PPP1R9A: variants seen among roughly 807,000 people sequenced by gnomAD.
PPP1R9A encodes neurabin-1.
Under a neutral mutation model 141.9 loss-of-function variants are expected in PPP1R9A, and 59 were observed. The ratio of observed to expected loss-of-function variants is 0.42; its 90% CI spans 0.34 to 0.52. PPP1R9A has a LOEUF of 0.52. Among genes scored for constraint, PPP1R9A ranks in the 20% least tolerant of loss-of-function variants. PPP1R9A has a pLI of 0.10. For missense variants in PPP1R9A, 1,444 were observed against 1,611.9 expected (o/e 0.90, Z 1.78); for synonymous variants, 500 against 569.7 (o/e 0.88, Z 1.74).
In PPP1R9A at chr7:95,161,880, G is replaced by GA. The variant is rs1563336068; in HGVS notation, c.1664dup (p.Asp555GlufsTer71). 1 of 1,607,834 alleles carries GA rather than the reference G, an allele frequency of 6.2e-7. No individual in the cohort carries two copies. The highest frequency in any genetic ancestry group is 8.5e-7 in the Non-Finnish European group (1 of 1,176,620). ...CTCTTTCTAAAGAATACAAGTCAAT[G>GA]ACCAGATTGTGGAAGTGGATGGAAT... On this transcript the variant is annotated frameshift_variant, in exon 5 of 20. Transcript: ENST00000433360. LOFTEE classifies it high-confidence loss of function.
chr7:95,222,251 A>C (rs949262224), intron 7 of PPP1R9A, among the ~76,000 whole-genome samples: 1 of 151,942 alleles, frequency 6.6e-6, no homozygotes, highest in African/African-American at 2.4e-5. Context: ...ATATATTCCC[A>C]ATTTTTTTTT....
chr7:95,189,598 G>A (rs376115218), intron 5 of PPP1R9A, among the ~76,000 whole-genome samples: 1 of 150,962 alleles, frequency 6.6e-6, no homozygotes, highest in Non-Finnish European at 1.5e-5. Flanking sequence ...CACTACGCCC[G>A]GCTAATTTTT....
chr7:95,123,395 T>C (rs1443912489), intron 4 of PPP1R9A, among the ~76,000 whole-genome samples: 1 of 152,230 alleles, frequency 6.6e-6, no homozygotes, highest in Non-Finnish European at 1.5e-5. Flanking sequence ...ATGCCTGTAA[T>C]CCCAGCACTT....
intron 2 of PPP1R9A, among the ~76,000 whole-genome samples, chr7:95,000,563 G>A (rs1802783611): frequency 6.6e-6 from 1 of 151,588 alleles, no homozygotes; most frequent in Admixed American, 6.6e-5. Flanking sequence ...CTTTTTCCAG[G>A]TGAAAATTTC....
At chr7:95,008,287 G>T (rs780290100) in intron 2 of PPP1R9A, among the ~76,000 whole-genome samples, 2 of 151,958 alleles carry the variant, frequency 1.3e-5, no homozygotes, top group South Asian at 4.2e-4. Context: ...TCATAAAAGG[G>T]GTTTTTAGGG....
intron 2 of PPP1R9A, among the ~76,000 whole-genome samples, chr7:95,043,408 T>C (rs2151926721): frequency 6.6e-6 from 1 of 152,270 alleles, no homozygotes; most frequent in South Asian, 2.1e-4. Context: ...AATAAAAACT[T>C]GTACATGATG....
intron 2 of PPP1R9A, among the ~76,000 whole-genome samples, chr7:95,039,725 G>A (rs1015877816): frequency 2.0e-5 from 3 of 149,562 alleles, no homozygotes; most frequent in Admixed American, 6.8e-5. Flanking sequence ...AGGGAAAAAA[G>A]GAATGAAGGA....
chr7:94,930,770 T>C (rs1254504860), intron 2 of PPP1R9A, among the ~76,000 whole-genome samples: 2 of 152,308 alleles, frequency 1.3e-5, no homozygotes, highest in African/African-American at 4.8e-5. Context: ...GTTACAGAGA[T>C]ACAAAGATAG....
intron 4 of PPP1R9A, among the ~76,000 whole-genome samples, chr7:95,127,886 A>G (rs1823861753): frequency 6.6e-6 from 1 of 152,152 alleles, no homozygotes; most frequent in Non-Finnish European, 1.5e-5. Context: ...TCTATGGTGC[A>G]TATGTGCCAC....
At chr7:95,100,065 ATGTG>A (rs1232792602) in intron 2 of PPP1R9A, among the ~76,000 whole-genome samples, 2 of 152,010 alleles carry the variant, frequency 1.3e-5, no homozygotes, top group Non-Finnish European at 2.9e-5. Context: ...GTGTGTATGC[ATGTG>A]TGTGTATGTG....
intron 2 of PPP1R9A, among the ~76,000 whole-genome samples, chr7:94,962,178 T>G (rs1339195886): frequency 6.6e-6 from 1 of 152,012 alleles, no homozygotes; most frequent in Non-Finnish European, 1.5e-5. Flanking sequence ...GTCTAATCCA[T>G]CCTCACATTA....
chr7:95,107,650 A>G (rs1230588211), intron 2 of PPP1R9A, among the ~76,000 whole-genome samples: 2 of 152,156 alleles, frequency 1.3e-5, no homozygotes, highest in African/African-American at 2.4e-5. Context: ...AATAGAATAT[A>G]AAAATGGATC....
At chr7:95,271,578 G>A (rs1585567949) in intron 14 of PPP1R9A, among the ~76,000 whole-genome samples, 1 of 152,164 alleles carries the variant, frequency 6.6e-6, no homozygotes, top group African/African-American at 2.4e-5. Context: ...GGTCAGGACT[G>A]CCAGGTAGAT....
rs370053707 is a variant in PPP1R9A at position 95,157,145 on chromosome 7, G to A, written c.1650-4722G>A. ...CCTGCTGTTCATGGCACATGGGCTT[G>A]ACCCCGATTTGCTCCAAGATGGGAG... On this transcript the variant is annotated intron_variant, in intron 4 of 19. Transcript: ENST00000433360. Among the ~76,000 whole-genome samples, 6 of 152,284 alleles carry A rather than the reference G, an allele frequency of 3.9e-5. No homozygotes were observed. The South Asian group carries it at 8.3e-4, about 21-fold the overall frequency.
chr7:95,080,572 A>G (rs1337806488), intron 2 of PPP1R9A, among the ~76,000 whole-genome samples: 8 of 152,218 alleles, frequency 5.3e-5, no homozygotes, highest in East Asian at 1.9e-4. Flanking sequence ...CTTTCTTCAC[A>G]GAATTGGAAA....
chr7:95,216,041 C>T (rs1304284247), intron 7 of PPP1R9A, among the ~76,000 whole-genome samples: 8 of 152,092 alleles, frequency 5.3e-5, no homozygotes. Context: ...ACATGAAGTC[C>T]TTGCCCATGC....
At chr7:95,130,965 G>A (rs570994799) in intron 4 of PPP1R9A, among the ~76,000 whole-genome samples, 1 of 152,308 alleles carries the variant, frequency 6.6e-6, no homozygotes, top group South Asian at 2.1e-4. Flanking sequence ...TGTCTCGGAT[G>A]AGATGTTGAA....
Position 94,965,864 on chromosome 7 carries a change from A to T in PPP1R9A, c.1395+54356A>T, listed in dbSNP as rs187630909. ...TTTTCTAATTCTGTGAAGAAAGTCA[A>T]TGGTAGCTTGATGGGGATGGCATTG... On this transcript the variant is annotated intron_variant, in intron 2 of 19. Transcript: ENST00000433360. 4.9e-4 allele frequency among the ~76,000 whole-genome samples: 75 copies of T among 152,140 alleles called. No individual in the cohort carries two copies. The East Asian group carries it at 0.015, about 29-fold the overall frequency.
intron 4 of PPP1R9A, among the ~76,000 whole-genome samples, chr7:95,147,712 T>C (rs1827894262): frequency 6.6e-6 from 1 of 152,200 alleles, no homozygotes; most frequent in African/African-American, 2.4e-5. Context: ...TGAAGAGGTG[T>C]TGAATTTTAT....
Sources: gnomAD v4.1 joint callset for allele counts (sites outside exome capture counted in the v4.1 genomes callset) on GRCh38, gnomAD v4.1.1 for gene constraint, MANE v1.5 for transcripts, NCBI Gene and HGNC (gene_info 2026-07-23, HGNC 2026-07-21) for gene names.